Variants in LPP observed in about 807,000 individuals in gnomAD.
The protein encoded by LPP is lipoma-preferred partner.
In LPP, 38 loss-of-function variants were observed where a neutral mutation model predicts 60.4. The ratio of observed to expected loss-of-function variants is 0.63; its 90% CI spans 0.49 to 0.83. LPP has a LOEUF of 0.83. Among genes scored for constraint, LPP ranks in the 40% least tolerant of loss-of-function variants. The probability of loss-of-function intolerance (pLI) is 0.00; values close to 1 mark genes in which losing one functional copy is unlikely to be tolerated. For synonymous variants in LPP, 328 were observed against 290.8 expected (o/e 1.13, Z -1.30); for missense variants, 902 against 783.6 (o/e 1.15, Z -1.80).
At chr3:188,859,641 C>A (rs1764702991) in intron 9 of LPP, among the ~76,000 whole-genome samples, 1 of 152,146 alleles carries the variant, frequency 6.6e-6, no homozygotes, top group African/African-American at 2.4e-5. Flanking sequence ...GAGGAGGCAG[C>A]TCTGCTCTTT....
chr3:188,253,176 A>G (rs1337588610), intron 2 of LPP, among the ~76,000 whole-genome samples: 1 of 151,798 alleles, frequency 6.6e-6, no homozygotes, highest in Non-Finnish European at 1.5e-5. Context: ...AGTATATTAC[A>G]CATATCTCTC....
At chr3:188,722,970 A>T (rs1308395885) in intron 8 of LPP, among the ~76,000 whole-genome samples, 3 of 152,174 alleles carry the variant, frequency 2.0e-5, no homozygotes, top group African/African-American at 4.8e-5. Context: ...GTATTTTCTT[A>T]TGATGTTCTG....
At chr3:188,469,482 A>G (rs992777730) in intron 4 of LPP, among the ~76,000 whole-genome samples, 13 of 152,254 alleles carry the variant, frequency 8.5e-5, no homozygotes, top group African/African-American at 2.6e-4. Flanking sequence ...TGTCCATTAA[A>G]GAAAAAAGTG....
At position 188,609,829 on chromosome 3, in the gene LPP, A is replaced by C. The variant is rs751866264; in HGVS notation, c.1098A>C (p.Pro366=). ...ATCCTGTTTCAGCCCCCTGTGCGCC[A>C]CCATTGCAGCCAAAGGTAAGAAACT... ...ITDPVSAPCA[P]PLQPKGGHSG... Residue 366 remains proline, a synonymous_variant, in exon 7 of 12, where the codon CCA becomes CCC. Transcript: ENST00000617246. The surrounding 1 kb of genome is among the most constrained non-coding windows in gnomAD (Gnocchi z 6.9). 1 of 1,610,692 alleles carries C rather than the reference A, an allele frequency of 6.2e-7. No homozygotes were observed. Among genetic ancestry groups the C allele is most frequent in the Non-Finnish European group, 8.5e-7 (1 of 1,178,664 alleles).
intron 2 of LPP, among the ~76,000 whole-genome samples, chr3:188,230,077 C>T (rs1441906041): frequency 6.6e-6 from 1 of 151,814 alleles, no homozygotes; most frequent in African/African-American, 2.4e-5. Context: ...GAGAAATACA[C>T]ATTAGAAACA....
chr3:188,392,535 G>A (rs998977496), intron 3 of LPP, among the ~76,000 whole-genome samples: 5 of 151,960 alleles, frequency 3.3e-5, no homozygotes, highest in African/African-American at 1.2e-4. Flanking sequence ...AACTAAATAG[G>A]CTTATTCTTA....
chr3:188,470,285 C>CAA, intron 4 of LPP, among the ~76,000 whole-genome samples: 2 of 35,276 alleles, frequency 5.7e-5, no homozygotes. Flanking sequence ...CTCTCATACA[C>CAA]ACACACACAC....
At chr3:188,155,016 C>T (rs894641581) in intron 1 of LPP, among the ~76,000 whole-genome samples, 6 of 151,944 alleles carry the variant, frequency 3.9e-5, no homozygotes, top group South Asian at 2.1e-4. Context: ...GACATCTCTT[C>T]GAGGGAACCG....
chr3:188,506,823 A>C (rs1813606507), intron 5 of LPP, among the ~76,000 whole-genome samples: 1 of 151,942 alleles, frequency 6.6e-6, no homozygotes, highest in South Asian at 2.1e-4. Flanking sequence ...TTTGAGATGG[A>C]GTCTTGCTCT....
intron 8 of LPP, among the ~76,000 whole-genome samples, chr3:188,731,684 G>A (rs554455817): frequency 6.6e-5 from 10 of 151,816 alleles, no homozygotes; most frequent in Non-Finnish European, 8.8e-5. Context: ...CACCATGCCC[G>A]GGTAACTTTT....
At chr3:188,272,457 C>T (rs1442696759) in intron 2 of LPP, among the ~76,000 whole-genome samples, 1 of 152,220 alleles carries the variant, frequency 6.6e-6, no homozygotes, top group Non-Finnish European at 1.5e-5. Context: ...CACCTCCTTT[C>T]CCAGTCTAGT....
At chr3:188,603,887 C>A (rs956494641) in intron 6 of LPP, among the ~76,000 whole-genome samples, 2 of 152,120 alleles carry the variant, frequency 1.3e-5, no homozygotes, top group African/African-American at 4.8e-5. Context: ...TCTATGGCCT[C>A]AATTGTATTG....
chr3:188,161,268 C>A (rs1560071393), intron 1 of LPP, among the ~76,000 whole-genome samples: 1 of 152,084 alleles, frequency 6.6e-6, no homozygotes, highest in Non-Finnish European at 1.5e-5. Flanking sequence ...AGACCAGAGG[C>A]AGAGTCCCAG....
chr3:188,632,843 A>C (rs937953521), intron 7 of LPP, among the ~76,000 whole-genome samples: 2 of 151,322 alleles, frequency 1.3e-5, no homozygotes, highest in African/African-American at 4.9e-5. Flanking sequence ...CCTCAACTCT[A>C]CCCCACGTTC....
At chr3:188,596,507 G>A (rs974871541) in intron 6 of LPP, among the ~76,000 whole-genome samples, 4 of 152,092 alleles carry the variant, frequency 2.6e-5, no homozygotes, top group East Asian at 1.9e-4. Context: ...GAACAAATAC[G>A]TTAGAAGAAG....
intron 1 of LPP, among the ~76,000 whole-genome samples, chr3:188,177,958 C>T (rs1401807644): frequency 1.3e-5 from 2 of 152,156 alleles, no homozygotes; most frequent in East Asian, 3.9e-4. Context: ...AAGCCCTGGC[C>T]AATTCCATAC....
At chr3:188,407,523 C>T (rs1437636308) in intron 4 of LPP, among the ~76,000 whole-genome samples, 1 of 152,192 alleles carries the variant, frequency 6.6e-6, no homozygotes, top group Non-Finnish European at 1.5e-5. Flanking sequence ...GAACGAGACC[C>T]TCAGAAAGCT....
chr3:188,619,293 G>A (rs765121612), intron 7 of LPP, among the ~76,000 whole-genome samples: 4 of 152,124 alleles, frequency 2.6e-5, no homozygotes, highest in Non-Finnish European at 5.9e-5. Flanking sequence ...CCAAAGTGTT[G>A]GGATTACAGG....
intron 7 of LPP, among the ~76,000 whole-genome samples, chr3:188,662,292 G>C (rs1490107747): frequency 1.3e-5 from 2 of 152,102 alleles, no homozygotes; most frequent in Admixed American, 6.5e-5. Flanking sequence ...AACATCGTTG[G>C]GCTGCTTCAA....
Sources: gnomAD v4.1 joint callset for allele counts (sites outside exome capture counted in the v4.1 genomes callset) on GRCh38, gnomAD v4.1.1 for gene constraint, Gnocchi (gnomAD v3.1) non-coding constraint, MANE v1.5 for transcripts, NCBI Gene and HGNC (gene_info 2026-07-23, HGNC 2026-07-21) for gene names.